CSF1R: variants seen among roughly 807,000 people sequenced by gnomAD.
CSF1R encodes the protein macrophage colony-stimulating factor 1 receptor.
CSF1R carries 40 observed loss-of-function variants against 110.0 expected under a neutral mutation model. The observed-to-expected ratio is 0.36, with a 90% CI of 0.28 to 0.47. CSF1R has a LOEUF of 0.47. CSF1R is among the 20% of genes least tolerant of loss of function. CSF1R has a pLI of 0.99. For synonymous variants in CSF1R, 523 were observed against 503.4 expected, an observed-to-expected ratio of 1.04 and a Z score of -0.52; for missense variants, 1,052 against 1,253.0, an observed-to-expected ratio of 0.84 and a Z score of 2.42.
At chr5:150,072,656 A>G (rs1357473750) in intron 6 of CSF1R, among the ~76,000 whole-genome samples, 1 of 152,174 alleles carries the variant, frequency 6.6e-6, no homozygotes, top group East Asian at 1.9e-4. Context: ...ACAGTTCACA[A>G]GCAGACAGGA....
intron 10 of CSF1R, among the ~76,000 whole-genome samples, chr5:150,063,537 A>G (rs997188715): frequency 1.3e-5 from 2 of 151,826 alleles, no homozygotes; most frequent in Non-Finnish European, 2.9e-5. Flanking sequence ...TGAGAGAGAA[A>G]GAGAGACGCT....
In CSF1R at chr5:150,080,121, A is replaced by G; in HGVS notation, c.523T>C (p.Tyr175His). ...CCACCCATCAGGGCACTGCATTGATAGTCCTGGCTCTGAATGAACTTGGCC... is the reference window on the plus strand; with the variant it reads ...CCACCCATCAGGGCACTGCATTGATGGTCCTGGCTCTGAATGAACTTGGCC... ...HRAKFIQSQD[Y>H]QCSALMGGRK... The change falls in exon 3 of 21, where the codon TAT (tyrosine) becomes CAT (histidine). Residue 175 changes from tyrosine (Y) to histidine (H), a missense_variant. Transcript: ENST00000675795. The G allele has an allele frequency of 3.1e-6, 5 of 1,614,174 alleles. No homozygotes were observed. The highest frequency in any genetic ancestry group is 4.2e-6 in the Non-Finnish European group (5 of 1,180,028).
In CSF1R at chr5:150,061,775, C is replaced by A. The variant is rs567201624; in HGVS notation, c.1701G>T (p.Thr567=). Residue 567 remains threonine, a synonymous_variant, in exon 11 of 21, where the codon ACG becomes ACT. Coordinates refer to ENST00000675795, the MANE Select transcript of CSF1R (RefSeq NM_001288705.3). The part of the protein sequence containing the change: ...EGNSYTFIDP[T]QLPYNEKWEF... ...CCCACTTCTCGTTGTAAGGCAGCTG[C>A]GTGGGGTCGATGAAAGTATAACTGT... is the stretch of plus-strand genomic sequence containing the variant. The A allele has an allele frequency of 3.1e-6, 5 of 1,614,190 alleles. No individual in the cohort carries two copies. In the Admixed American group the frequency reaches 6.7e-5, roughly 22 times the overall value.
chr5:150,077,489 G>A (rs1018247440), intron 4 of CSF1R, 54 bp from the exon 5 acceptor site: 7 of 1,556,650 alleles, frequency 4.5e-6, no homozygotes, highest in Admixed American at 3.4e-5. Context: ...GGATTAGAAA[G>A]ATCTGGGTTC....
chr5:150,054,939 A>G (rs981744206), intron 19 of CSF1R: 5 of 333,184 alleles, frequency 1.5e-5, no homozygotes, highest in African/African-American at 4.4e-5. Context: ...GCAGTGAGCT[A>G]TGATTGCACA....
intron 10 of CSF1R, 94 bp from the exon 11 acceptor site, chr5:150,061,943 C>T (rs1757553510): frequency 6.4e-7 from 1 of 1,566,926 alleles, no homozygotes; most frequent in Non-Finnish European, 8.7e-7. Flanking sequence ...GTGGGCAGTC[C>T]CAAGGCGCCC....
intron 11 of CSF1R, 41 bp from the exon 12 acceptor site, chr5:150,061,636 G>C (rs776087084): frequency 1.2e-6 from 2 of 1,614,074 alleles, no homozygotes; most frequent in South Asian, 2.2e-5. Flanking sequence ...GGGCACCAAA[G>C]GGCCTCTGTC....
At chr5:150,060,370 A>G (rs1036370390) in intron 13 of CSF1R, among the ~76,000 whole-genome samples, 8 of 152,006 alleles carry the variant, frequency 5.3e-5, no homozygotes, top group African/African-American at 1.7e-4. Flanking sequence ...ACAACCTTAA[A>G]AAAAATGTAG....
intron 2 of CSF1R, 91 bp downstream of exon 2, chr5:150,080,676 A>G: frequency 6.6e-7 from 1 of 1,504,152 alleles, no homozygotes; most frequent in Non-Finnish European, 9.1e-7. Flanking sequence ...CAGTAAATGC[A>G]GAGCTGAATT....
intron 11 of CSF1R, 34 bp from the exon 12 acceptor site, chr5:150,061,629 C>A: frequency 2.5e-6 from 4 of 1,613,978 alleles, no homozygotes; most frequent in Non-Finnish European, 3.4e-6. Flanking sequence ...AGTCCCTGGG[C>A]ACCAAAGGGC....
chr5:150,061,464 C>A, intron 12 of CSF1R, 27 bp downstream of exon 12: 1 of 887,716 alleles, frequency 1.1e-6, no homozygotes, highest in Non-Finnish European at 1.8e-6. Context: ...CCCCCCATCC[C>A]TTCCCTCATC....
chr5:150,089,386 G>A (rs1758962215), upstream of CSF1R, among the ~76,000 whole-genome samples: 1 of 152,108 alleles, frequency 6.6e-6, no homozygotes, highest in South Asian at 2.1e-4. Flanking sequence ...CAGGATACAA[G>A]ATCAACATAC....
chr5:150,078,267 C>A lies in CSF1R; in HGVS notation c.593-19G>T. On this transcript the variant is annotated intron_variant, in intron 3 of 20. Coordinates refer to ENST00000675795, the MANE Select transcript of CSF1R (RefSeq NM_001288705.3). Reference sequence around the variant, plus strand: ...GGGATGACTGAGACCGGGGGAGAGACCCCTGAACACCCAGGCTCCCTGAAC... The same window carrying A: ...GGGATGACTGAGACCGGGGGAGAGAACCCTGAACACCCAGGCTCCCTGAAC... 1.2e-6 allele frequency: 2 copies of A among 1,613,476 alleles called. No homozygotes were observed. Among genetic ancestry groups the A allele is most frequent in the Admixed American group, 3.3e-5 (2 of 59,938 alleles).
chr5:150,091,359 A>G (rs1334648882), upstream of CSF1R, among the ~76,000 whole-genome samples: 1 of 152,256 alleles, frequency 6.6e-6, no homozygotes, highest in Non-Finnish European at 1.5e-5. Flanking sequence ...CACAATTTAC[A>G]GTAGCCAAAA....
upstream of CSF1R, among the ~76,000 whole-genome samples, chr5:150,090,683 G>A (rs1759010708): frequency 6.6e-6 from 1 of 152,182 alleles, no homozygotes; most frequent in South Asian, 2.1e-4. Flanking sequence ...AAGTTGTAGT[G>A]TTGCCTACAA....
At chr5:150,082,022 G>A (rs747087040) in intron 1 of CSF1R, among the ~76,000 whole-genome samples, 6 of 152,194 alleles carry the variant, frequency 3.9e-5, no homozygotes, top group Admixed American at 6.5e-5. Flanking sequence ...CTCAGCCCCC[G>A]GTTTCCGCTC....
intron 4 of CSF1R, among the ~76,000 whole-genome samples, chr5:150,077,841 G>T (rs1758340690): frequency 6.6e-6 from 1 of 152,220 alleles, no homozygotes; most frequent in South Asian, 2.1e-4. Flanking sequence ...TTGTCTAAAG[G>T]CTGGGGCAAA....
intron 1 of CSF1R, among the ~76,000 whole-genome samples, chr5:150,083,477 T>C (rs1758656672): frequency 6.6e-6 from 1 of 151,666 alleles, no homozygotes; most frequent in Non-Finnish European, 1.5e-5. Context: ...CCCCCCTCTC[T>C]CTCTAGGGTC....
Position 150,070,267 on chromosome 5 carries a change from T to C in CSF1R, c.1234A>G (p.Asn412Asp). ...PEVSVIWTFI[N>D]GSGTLLCAAS... ...GCACACAAAAGGGTGCCAGAGCCGTTGATGAATGTCCATATGACGCTTACC... is the reference window on the plus strand; with the variant it reads ...GCACACAAAAGGGTGCCAGAGCCGTCGATGAATGTCCATATGACGCTTACC... Residue 412 changes from asparagine to aspartate, a missense_variant, in exon 8 of 21, where the codon AAC becomes GAC. By Grantham distance (23) the Asn-to-Asp change is conservative. This residue lies in a region of CSF1R where 693 missense variants were observed against 735.4 expected (regional missense o/e 0.94). Coordinates refer to ENST00000675795, the MANE Select transcript of CSF1R (RefSeq NM_001288705.3). The C allele has an allele frequency of 3.7e-6, 6 of 1,614,078 alleles. No homozygotes were observed. Among genetic ancestry groups the C allele is most frequent in the Non-Finnish European group, 5.1e-6 (6 of 1,179,986 alleles).
Sources: gnomAD v4.1 joint callset for allele counts (sites outside exome capture counted in the v4.1 genomes callset) on GRCh38, gnomAD v4.1.1 for gene constraint, gnomAD v4.1.1 regional missense constraint, MANE v1.5 for transcripts, NCBI Gene and HGNC (gene_info 2026-07-23, HGNC 2026-07-21) for gene names.